The following RAB3GAP1 variants were observed in gnomAD, a reference collection of about 807,000 sequenced individuals.
The protein encoded by RAB3GAP1 is RAB3 GTPase activating protein catalytic subunit 1.
In RAB3GAP1, 86 loss-of-function variants were observed where a neutral mutation model predicts 130.7. The observed-to-expected ratio is 0.66, with a 90% CI of 0.55 to 0.79. The LOEUF (loss-of-function observed/expected upper bound fraction) is 0.79, where lower values mean the gene tolerates loss of function less well. Ranked by LOEUF, RAB3GAP1 falls within the 30% of genes least tolerant of loss-of-function variation. RAB3GAP1 has a pLI of 0.00. For missense variants in RAB3GAP1, 1,029 were observed against 1,169.4 expected (o/e 0.88, Z 1.75); for synonymous variants, 367 against 401.7 (o/e 0.91, Z 1.03).
intron 8 of RAB3GAP1, among the ~76,000 whole-genome samples, chr2:135,123,610 G>A (rs1315229600): frequency 6.6e-6 from 1 of 152,016 alleles, no homozygotes; most frequent in Admixed American, 6.6e-5. Flanking sequence ...ATAGAACTAA[G>A]GGAATGATTT....
chr2:135,102,979 A>C (rs1690490230), intron 5 of RAB3GAP1, among the ~76,000 whole-genome samples: 1 of 134,316 alleles, frequency 7.4e-6, no homozygotes. Context: ...CGCACACCAG[A>C]CTGGGCGACA....
chr2:135,053,917 A>G (rs1250696055), intron 2 of RAB3GAP1, among the ~76,000 whole-genome samples: 1 of 152,182 alleles, frequency 6.6e-6, no homozygotes, highest in Non-Finnish European at 1.5e-5. Context: ...CTGGGCCTTG[A>G]AAGTGGGAAG....
Position 135,052,466 on chromosome 2 carries a change from A to G in RAB3GAP1, c.55A>G (p.Thr19Ala), listed in dbSNP as rs1203294050. 5 of 1,613,802 alleles carry G rather than the reference A, an allele frequency of 3.1e-6. No individual in the cohort carries two copies. Among genetic ancestry groups the G allele is most frequent in the Non-Finnish European group, 3.4e-6 (4 of 1,180,010 alleles). The change falls in exon 2 of 24, where the codon ACT becomes GCT. Residue 19 changes from threonine to alanine, a missense_variant. Transcript: ENST00000264158. ...GGTATTTGAGATCACGGACTTCACC[A>G]CTGCCTCGGAATGGGAAAGGTGAGT... ...SEVFEITDFT[T>A]ASEWERFISK...
chr2:135,086,938 C>T (rs1400219219), intron 3 of RAB3GAP1, among the ~76,000 whole-genome samples: 1 of 152,128 alleles, frequency 6.6e-6, no homozygotes. Flanking sequence ...GCTGAGATGA[C>T]AGGTGTGAGC....
intron 7 of RAB3GAP1, among the ~76,000 whole-genome samples, chr2:135,117,603 T>G (rs1016428299): frequency 3.5e-4 from 49 of 139,292 alleles, no homozygotes; most frequent in African/African-American, 1.2e-3. Context: ...TGCTGCTTCT[T>G]CTGCTTCTTC....
intron 5 of RAB3GAP1, among the ~76,000 whole-genome samples, chr2:135,097,882 C>T (rs1050039100): frequency 1.3e-5 from 2 of 152,152 alleles, no homozygotes; most frequent in Admixed American, 1.3e-4. Context: ...AACACATTTT[C>T]AGTTCACTCG....
intron 22 of RAB3GAP1, among the ~76,000 whole-genome samples, chr2:135,163,442 T>C (rs1328074812): frequency 6.6e-6 from 1 of 152,236 alleles, no homozygotes; most frequent in South Asian, 2.1e-4. Context: ...TGTTTTCAGC[T>C]GTTACTATTC....
chr2:135,053,867 A>C (rs1688943870), intron 2 of RAB3GAP1, among the ~76,000 whole-genome samples: 1 of 152,196 alleles, frequency 6.6e-6, no homozygotes, highest in South Asian at 2.1e-4. Flanking sequence ...TGTGGACTAC[A>C]ATAGTTGGAG....
At chr2:135,153,979 C>CA (rs1276142890) in intron 19 of RAB3GAP1, 103 bp downstream of exon 19, 7 of 1,087,568 alleles carry the variant, frequency 6.4e-6, no homozygotes, top group Non-Finnish European at 9.6e-6. Flanking sequence ...ACTTGAGGTG[C>CA]AAAGCATTGA....
chr2:135,130,074 G>A lies in RAB3GAP1; in HGVS notation c.1053G>A (p.Glu351=). ...TDEILGRSAF[E]EEGKETADIT... Reference sequence around the variant, plus strand: ...AGATTCTTGGACGATCTGCATTTGAGGAAGAAGGCAAAGGTAACCTACATT... The same window carrying A: ...AGATTCTTGGACGATCTGCATTTGAAGAAGAAGGCAAAGGTAACCTACATT... Residue 351 remains glutamate, a synonymous_variant, in exon 12 of 24, where the codon GAG becomes GAA. Coordinates refer to ENST00000264158, the MANE Select transcript of RAB3GAP1 (RefSeq NM_012233.3). 1 of 1,612,006 alleles carries A rather than the reference G, an allele frequency of 6.2e-7. No homozygotes were observed. Among genetic ancestry groups the A allele is most frequent in the Non-Finnish European group, 8.5e-7 (1 of 1,178,544 alleles).
chr2:135,113,463 C>T (rs888710616), intron 6 of RAB3GAP1, among the ~76,000 whole-genome samples, 193 bp downstream of exon 6: 5 of 152,268 alleles, frequency 3.3e-5, no homozygotes, highest in African/African-American at 9.6e-5. Flanking sequence ...TAACTTATTC[C>T]GTGTACAAAC....
At chr2:135,168,440 G>A (rs1465779565) in intron 23 of RAB3GAP1, 105 bp from the exon 24 acceptor site, 11 of 938,400 alleles carry the variant, frequency 1.2e-5, no homozygotes, top group Admixed American at 5.1e-5. Context: ...ACTGAGTAAC[G>A]TGGGACATTT....
chr2:135,170,312 C>A lies in RAB3GAP1; in HGVS notation c.*1531C>A, dbSNP rs1028315672. On this transcript the variant is annotated 3_prime_UTR_variant, in exon 24 of 24. Coordinates refer to ENST00000264158, the MANE Select transcript of RAB3GAP1 (RefSeq NM_012233.3). ...TCTGTGGCGTTTTCTTTCATTTTCT[C>A]CCGCTGAGGCATTTCAGTCTAATTT... 6.6e-6 allele frequency: 1 copy of A among 152,182 alleles called. No individual in the cohort carries two copies. Among genetic ancestry groups the A allele is most frequent in the Non-Finnish European group, 1.5e-5 (1 of 68,056 alleles). The allele number at this position is 152,182 out of a possible 1,614,324, so 9.4% of individuals were successfully genotyped here. A position where few individuals can be genotyped will look rare whatever the true frequency, so the allele number is the denominator to read the frequency against.
chr2:135,137,153 G>A (rs1691699722), intron 17 of RAB3GAP1: 2 of 373,666 alleles, frequency 5.4e-6, no homozygotes, highest in African/African-American at 4.2e-5. Flanking sequence ...GGATATGAAG[G>A]AAATCCTCAG....
At chr2:135,175,097 G>A (rs1191064862), downstream of RAB3GAP1, among the ~76,000 whole-genome samples, 1 of 152,228 alleles carries the variant, frequency 6.6e-6, no homozygotes, top group Non-Finnish European at 1.5e-5. Flanking sequence ...ACTCAAGTAG[G>A]AGGCTGAAAT....
downstream of RAB3GAP1, among the ~76,000 whole-genome samples, chr2:135,171,549 C>A (rs1209152285): frequency 1.3e-5 from 2 of 152,142 alleles, no homozygotes; most frequent in African/African-American, 4.8e-5. Context: ...CCCTCCTACC[C>A]CCATACATTC....
rs1692743645 is a variant in RAB3GAP1 at position 135,168,755 on chromosome 2, T to C, written c.2920T>C (p.Phe974Leu). The C allele has an allele frequency of 1.2e-6, 2 of 1,613,636 alleles. No individual in the cohort carries two copies. Among genetic ancestry groups the C allele is most frequent in the Non-Finnish European group, 1.7e-6 (2 of 1,179,528 alleles). ...TKEDFRLAGAFSSDTSFF is the reference protein window; with the variant it reads ...TKEDFRLAGALSSDTSFF ...AGAGGACTTTAGACTTGCAGGTGCC[T>C]TTTCATCAGATACTTCCTTCTTCTG... The change falls in exon 24 of 24, where the codon TTT becomes CTT. Residue 974 changes from phenylalanine to leucine, a missense_variant. Coordinates refer to ENST00000264158, the MANE Select transcript of RAB3GAP1 (RefSeq NM_012233.3).
At chr2:135,136,302 G>C (rs1480158146) in intron 17 of RAB3GAP1, among the ~76,000 whole-genome samples, 1 of 152,088 alleles carries the variant, frequency 6.6e-6, no homozygotes, top group Non-Finnish European at 1.5e-5. Flanking sequence ...CTCCAGCCTG[G>C]GCAACAGAGC....
At chr2:135,054,482 G>A (rs1214899130) in intron 2 of RAB3GAP1, among the ~76,000 whole-genome samples, 1 of 152,228 alleles carries the variant, frequency 6.6e-6, no homozygotes, top group Non-Finnish European at 1.5e-5. Context: ...ACATATTTCA[G>A]AGAAGATTTA....
Sources: gnomAD v4.1 joint callset for allele counts (sites outside exome capture counted in the v4.1 genomes callset) on GRCh38, gnomAD v4.1.1 for gene constraint, MANE v1.5 for transcripts, NCBI Gene and HGNC (gene_info 2026-07-23, HGNC 2026-07-21) for gene names.